The following PHF20 variants were observed in gnomAD, a reference collection of about 807,000 sequenced individuals.
PHF20 encodes the protein PHD finger protein 20.
In PHF20, 23 loss-of-function variants were observed where a neutral mutation model predicts 113.5. That is an observed-to-expected ratio of 0.20 (90% CI 0.15 to 0.29). PHF20 has a LOEUF of 0.29. Among genes scored for constraint, PHF20 ranks in the 10% least tolerant of loss-of-function variants. The pLI is 1.00. For missense variants in PHF20, 943 were observed against 1,219.6 expected (o/e 0.77, Z 3.38); for synonymous variants, 434 against 457.3 (o/e 0.95, Z 0.65).
intron 2 of PHF20, among the ~76,000 whole-genome samples, chr20:35,838,678 T>C (rs146519847): frequency 6.8e-4 from 104 of 152,250 alleles, no homozygotes; most frequent in Admixed American, 5.5e-3. Flanking sequence ...TATATTTAAA[T>C]ACTAAAAGTT....
chr20:35,919,295 G>A (rs2055465197), intron 13 of PHF20, among the ~76,000 whole-genome samples: 1 of 151,546 alleles, frequency 6.6e-6, no homozygotes, highest in Non-Finnish European at 1.5e-5. Context: ...GGGATTACAG[G>A]CGTGAGCCAC....
intron 10 of PHF20, among the ~76,000 whole-genome samples, chr20:35,901,904 G>A (rs1367969578): frequency 6.6e-6 from 1 of 152,098 alleles, no homozygotes; most frequent in African/African-American, 2.4e-5. Context: ...CACTGTCTCT[G>A]AGTGTAAACC....
At chr20:35,792,511 C>G (rs950201666) in intron 1 of PHF20, among the ~76,000 whole-genome samples, 9 of 151,652 alleles carry the variant, frequency 5.9e-5, no homozygotes, top group African/African-American at 2.2e-4. Flanking sequence ...TCATTCTTGC[C>G]TGCCCTTCCT....
At chr20:35,781,425 T>A (rs958383342) in intron 1 of PHF20, among the ~76,000 whole-genome samples, 10 of 152,144 alleles carry the variant, frequency 6.6e-5, no homozygotes, top group Admixed American at 2.0e-4. Flanking sequence ...CTGGCCTTCA[T>A]TCTTGACCAT....
chr20:35,891,729 T>TA (rs2054866474), intron 9 of PHF20, among the ~76,000 whole-genome samples: 1 of 152,186 alleles, frequency 6.6e-6, no homozygotes, highest in Non-Finnish European at 1.5e-5. Context: ...GTCTAGAAAA[T>TA]ATAATTTTTC....
chr20:35,851,903 C>A (rs569717195), intron 4 of PHF20, among the ~76,000 whole-genome samples: 1 of 149,904 alleles, frequency 6.7e-6, no homozygotes, highest in African/African-American at 2.5e-5. Flanking sequence ...GGTGACAGAG[C>A]GAGACTCCGT....
intron 13 of PHF20, among the ~76,000 whole-genome samples, chr20:35,917,965 A>G (rs564271291): frequency 2.0e-5 from 3 of 152,272 alleles, no homozygotes; most frequent in African/African-American, 2.4e-5. Context: ...GAGGAGTTGA[A>G]CAGCAGGGAC....
rs191854149 is a variant in PHF20 at position 35,938,070 on chromosome 20, C to T, written c.2301-627C>T. 2.7e-3 allele frequency among the ~76,000 whole-genome samples: 411 copies of T among 152,184 alleles called. 3 individuals are homozygous for T. The highest frequency in any genetic ancestry group is 9.4e-3 in the African/African-American group (389 of 41,514). On this transcript the variant is annotated intron_variant, in intron 15 of 17. Transcript: ENST00000374012. Reference sequence around the variant, plus strand: ...TTGTATTTTAGTAGAGGCGGGGTTTCACCGTGTTAGCCAGGATGGTCTCGA... The same window carrying T: ...TTGTATTTTAGTAGAGGCGGGGTTTTACCGTGTTAGCCAGGATGGTCTCGA...
At chr20:35,778,548 A>G (rs529972460) in intron 1 of PHF20, among the ~76,000 whole-genome samples, 2 of 152,052 alleles carry the variant, frequency 1.3e-5, no homozygotes, top group African/African-American at 2.4e-5. Context: ...TCAGGAGTTC[A>G]AGACCAGCCT....
chr20:35,822,801 G>A (rs2042192286), intron 2 of PHF20, among the ~76,000 whole-genome samples: 2 of 142,416 alleles, frequency 1.4e-5, no homozygotes, highest in Non-Finnish European at 3.0e-5. Flanking sequence ...TTATGCCACT[G>A]CATGGCAGCT....
At chr20:35,810,472 C>G (rs2041957404) in intron 2 of PHF20, among the ~76,000 whole-genome samples, 1 of 152,148 alleles carries the variant, frequency 6.6e-6, no homozygotes, top group South Asian at 2.1e-4. Flanking sequence ...ATTCCCCATT[C>G]TGAACCCATA....
chr20:35,889,009 C>CTTT (rs566960589), intron 9 of PHF20, among the ~76,000 whole-genome samples: 26 of 99,214 alleles, frequency 2.6e-4, no homozygotes, highest in East Asian at 9.5e-4. Context: ...CTCTTAGTTT[C>CTTT]TTTTTTTTTT....
At chr20:35,822,293 T>C (rs777720775) in intron 2 of PHF20, among the ~76,000 whole-genome samples, 3 of 151,804 alleles carry the variant, frequency 2.0e-5, no homozygotes, top group East Asian at 1.9e-4. Flanking sequence ...TGGTGTGAGC[T>C]TGTGGTCCCA....
intron 2 of PHF20, among the ~76,000 whole-genome samples, chr20:35,807,478 C>T (rs961665706): frequency 6.6e-6 from 1 of 151,710 alleles, no homozygotes; most frequent in Non-Finnish European, 1.5e-5. Context: ...CTCAGACTCC[C>T]GAGTAGCTGG....
chr20:35,830,871 T>TGATATTCTCTCTCCCC, intron 2 of PHF20, among the ~76,000 whole-genome samples: 1 of 152,182 alleles, frequency 6.6e-6, no homozygotes, highest in Admixed American at 6.6e-5. Context: ...CTCTTCTTCC[T>TGATATTCTCTCTCCCC]GATATTCTCT....
At chr20:35,846,240 C>T (rs983799296) in intron 3 of PHF20, among the ~76,000 whole-genome samples, 2 of 150,732 alleles carry the variant, frequency 1.3e-5, no homozygotes, top group Non-Finnish European at 2.9e-5. Context: ...AGTGCAATGG[C>T]GCAATCTCGG....
intron 11 of PHF20, among the ~76,000 whole-genome samples, chr20:35,913,619 A>G (rs1487615522): frequency 6.6e-6 from 1 of 152,250 alleles, no homozygotes; most frequent in African/African-American, 2.4e-5. Flanking sequence ...GAAGGCATCG[A>G]AGTGTAAGCA....
chr20:35,806,009 C>T (rs1031000476), intron 2 of PHF20, among the ~76,000 whole-genome samples: 12 of 151,836 alleles, frequency 7.9e-5, no homozygotes, highest in Non-Finnish European at 1.6e-4. Flanking sequence ...GGATTACAGG[C>T]GCCCGCCACC....
At chr20:35,898,206 T>C (rs1018484168) in intron 9 of PHF20, among the ~76,000 whole-genome samples, 10 of 152,188 alleles carry the variant, frequency 6.6e-5, no homozygotes, top group African/African-American at 2.2e-4. Context: ...ACAAAGTATA[T>C]TGTAAAACAA....
Sources: allele counts gnomAD v4.1 joint callset (sites outside exome capture counted in the v4.1 genomes callset), GRCh38; gene constraint gnomAD v4.1.1; transcripts MANE v1.5; gene names NCBI Gene and HGNC (gene_info 2026-07-23, HGNC 2026-07-21).